Variants in UGT1A7 observed in about 807,000 individuals in gnomAD.
UGT1A7 encodes the protein UDP-glucuronosyltransferase 1A7.
A neutral mutation model predicts 45.6 loss-of-function variants in UGT1A7; 33 were observed. That is an observed-to-expected ratio of 0.72 (90% CI 0.55 to 0.97). The LOEUF is 0.97. UGT1A7 is among the 50% of genes least tolerant of loss of function. The pLI is 0.00. For synonymous variants in UGT1A7, 274 were observed against 250.6 expected, an observed-to-expected ratio of 1.09 and a Z score of -0.88; for missense variants, 684 against 666.2, an observed-to-expected ratio of 1.03 and a Z score of -0.29.
At chr2:233,739,569 GT>G (rs1056417236) in intron 1 of UGT1A7, among the ~76,000 whole-genome samples, 1 of 152,220 alleles carries the variant, frequency 6.6e-6, no homozygotes, top group Non-Finnish European at 1.5e-5. Flanking sequence ...GCCCTGCCTG[GT>G]TTTGGACTTG....
chr2:233,718,918 T>G (rs778450561), intron 1 of UGT1A7: 2 of 1,614,094 alleles, frequency 1.2e-6, no homozygotes, highest in Non-Finnish European at 1.7e-6. Context: ...AAGGTGTTGG[T>G]GGTGCCCACT....
intron 1 of UGT1A7, among the ~76,000 whole-genome samples, chr2:233,749,024 T>C (rs1310542743): frequency 6.6e-6 from 1 of 151,748 alleles, no homozygotes; most frequent in East Asian, 1.9e-4. Flanking sequence ...CCAGAATATT[T>C]GGGGTTCATT....
chr2:233,685,276 G>A (rs977279577), intron 1 of UGT1A7, among the ~76,000 whole-genome samples: 6 of 152,028 alleles, frequency 3.9e-5, no homozygotes, highest in Admixed American at 6.6e-5. Context: ...CAAGTGATCC[G>A]CCCGCCTCCG....
Position 233,769,600 on chromosome 2 carries a change from G to C in UGT1A7, c.1295+1161G>C. ...GTTCAGATGAGAGGAGACGGAACAC[G>C]GGGACACACCAGCTTGAGCAAGGGA... is the stretch of plus-strand genomic sequence containing the variant. On this transcript the variant is annotated intron_variant, in intron 4 of 4. Coordinates refer to ENST00000373426, the MANE Select transcript of UGT1A7 (RefSeq NM_019077.3). The surrounding 1 kb of genome is among the most constrained non-coding windows in gnomAD (Gnocchi z 4.4). 6.2e-7 allele frequency: 1 copy of C among 1,612,786 alleles called. No individual in the cohort carries two copies. Among genetic ancestry groups the C allele is most frequent in the Non-Finnish European group, 8.5e-7 (1 of 1,179,854 alleles).
intron 1 of UGT1A7, 57 bp from the exon 2 acceptor site, chr2:233,766,977 T>C: frequency 1.2e-6 from 2 of 1,612,554 alleles, no homozygotes; most frequent in Non-Finnish European, 1.7e-6. Context: ...ACTTACTGTA[T>C]GTAGTCATCA....
chr2:233,745,758 T>G (rs1376334947), intron 1 of UGT1A7, among the ~76,000 whole-genome samples: 23 of 128,998 alleles, frequency 1.8e-4, no homozygotes, highest in East Asian at 4.6e-4. Context: ...GCAGAAGGGG[T>G]GGAGAGGAGG....
chr2:233,753,648 C>T (rs1051556706), intron 1 of UGT1A7: 5 of 152,204 alleles, frequency 3.3e-5, no homozygotes, highest in Non-Finnish European at 5.9e-5. Context: ...CACAAAGGTA[C>T]TTTCTCAATT....
chr2:233,686,240 G>A (rs2074778858), intron 1 of UGT1A7, among the ~76,000 whole-genome samples: 1 of 151,054 alleles, frequency 6.6e-6, no homozygotes, highest in South Asian at 2.1e-4. Context: ...TTTGGAAATG[G>A]TTTCTGAGAT....
intron 1 of UGT1A7, among the ~76,000 whole-genome samples, chr2:233,723,239 T>G (rs1575545383): frequency 9.2e-6 from 1 of 108,658 alleles, no homozygotes; most frequent in African/African-American, 4.5e-5. Context: ...TGAGTTGGAG[T>G]CCTGCTGTCA....
rs932840161 is a variant in UGT1A7, at chr2:233,740,624, G to A, written c.856-26410G>A. ...TCTCCAGGTCTCTTGGGGCTCACAG[G>A]GTCATGCCTTTCCTTGCCCAGTGTA... On this transcript the variant is annotated intron_variant, in intron 1 of 4. Coordinates refer to ENST00000373426, the MANE Select transcript of UGT1A7 (RefSeq NM_019077.3). 1.3e-5 allele frequency: 2 copies of A among 151,796 alleles called. 1 individual carries two copies. Among genetic ancestry groups the A allele is most frequent in the African/African-American group, 4.9e-5 (2 of 41,062 alleles). 9.4% of individuals were successfully genotyped at this position (151,796 alleles called of 1,614,324 possible).
chr2:233,762,094 T>A (rs1389988044), intron 1 of UGT1A7, among the ~76,000 whole-genome samples: 1 of 152,214 alleles, frequency 6.6e-6, no homozygotes, highest in African/African-American at 2.4e-5. Context: ...CTTAGATAGT[T>A]GTTGATTGTC....
intron 1 of UGT1A7, chr2:233,743,017 T>G (rs1054805): frequency 8.4e-6 from 2 of 239,502 alleles, no homozygotes; most frequent in African/African-American, 2.3e-5. Flanking sequence ...TTACAACGAT[T>G]GAAAGACAAA....
At chr2:233,748,952 T>TC (rs753200268) in intron 1 of UGT1A7, among the ~76,000 whole-genome samples, 4 of 151,666 alleles carry the variant, frequency 2.6e-5, no homozygotes, top group South Asian at 2.1e-4. Flanking sequence ...CCTATCCCAC[T>TC]CCAAGTTTCT....
chr2:233,719,446 A>G (rs765990866), intron 1 of UGT1A7: 48 of 1,613,862 alleles, frequency 3.0e-5, no homozygotes, highest in Non-Finnish European at 2.5e-5. Context: ...ACATTCCTGC[A>G]AAGGGTCAAG....
intron 1 of UGT1A7, chr2:233,761,138 A>G (rs1697686398): frequency 7.4e-6 from 12 of 1,614,200 alleles, no homozygotes; most frequent in Non-Finnish European, 1.0e-5. Context: ...CTTCACCAAA[A>G]TCCACTATCC....
intron 1 of UGT1A7, chr2:233,747,659 T>C: frequency 1.9e-6 from 3 of 1,599,022 alleles, no homozygotes; most frequent in Non-Finnish European, 2.6e-6. Flanking sequence ...TCGATGTGGT[T>C]TTAATAGACC....
Position 233,769,931 on chromosome 2 carries a change from C to A in UGT1A7, c.1295+1492C>A, listed in dbSNP as rs1699987343. 1 of 247,432 alleles carries A rather than the reference C, an allele frequency of 4.0e-6. No homozygotes were observed. Among genetic ancestry groups the A allele is most frequent in the Admixed American group, 5.3e-5 (1 of 18,974 alleles). The allele number at this position is 247,432 out of a possible 1,614,324, so 15.3% of individuals were successfully genotyped here. A position where few individuals can be genotyped will look rare whatever the true frequency, so the allele number is the denominator to read the frequency against. On this transcript the variant is annotated intron_variant, in intron 4 of 4. Transcript: ENST00000373426. The surrounding 1 kb of genome is among the most constrained non-coding windows in gnomAD (Gnocchi z 4.4). Reference sequence around the variant, plus strand: ...CCCAGAGCGTTGGGTGGTGTGGTCCCATTCCTTCCTTCCAGCGGCTTCTTC... The same window carrying A: ...CCCAGAGCGTTGGGTGGTGTGGTCCAATTCCTTCCTTCCAGCGGCTTCTTC...
chr2:233,728,343 G>A (rs1020257927), intron 1 of UGT1A7, among the ~76,000 whole-genome samples: 1 of 152,192 alleles, frequency 6.6e-6, no homozygotes, highest in African/African-American at 2.4e-5. Context: ...CAGTCCCTTG[G>A]TGAGCAGGAG....
rs1692213854 is a variant in UGT1A7 at position 233,743,141 on chromosome 2, AG to A, written c.856-23892del. Reference sequence around the variant, plus strand: ...AAAGTTCACTTTCAATCCTAAAAAAAGTCCGCTATTCCTCCAGATGTGCTTA... The same window carrying A: ...AAAGTTCACTTTCAATCCTAAAAAAATCCGCTATTCCTCCAGATGTGCTTA... On this transcript the variant is annotated intron_variant, in intron 1 of 4. Transcript: ENST00000373426. The A allele has an allele frequency of 1.1e-5, 4 of 356,900 alleles. No individual in the cohort carries two copies. The Admixed American group carries it at 1.1e-4, about 10-fold the overall frequency. The allele number at this position is 356,900 out of a possible 1,614,324, so 22.1% of individuals were successfully genotyped here.
Sources: gnomAD v4.1 joint callset for allele counts (sites outside exome capture counted in the v4.1 genomes callset) on GRCh38, gnomAD v4.1.1 for gene constraint, Gnocchi (gnomAD v3.1) non-coding constraint, MANE v1.5 for transcripts, NCBI Gene and HGNC (gene_info 2026-07-23, HGNC 2026-07-21) for gene names.